ZNRF3: variants seen among roughly 807,000 people sequenced by gnomAD.
The protein encoded by ZNRF3 is zinc and ring finger 3.
Under a neutral mutation model 72.5 loss-of-function variants are expected in ZNRF3, and 23 were observed. The ratio of observed to expected loss-of-function variants is 0.32; its 90% confidence interval spans 0.23 to 0.45. ZNRF3 has a LOEUF of 0.45. Among genes scored for constraint, ZNRF3 ranks in the 20% least tolerant of loss-of-function variants. The probability of loss-of-function intolerance (pLI) is 1.00; values close to 1 mark genes in which losing one functional copy is unlikely to be tolerated. For synonymous variants in ZNRF3, 610 were observed against 545.3 expected (o/e 1.12, Z -1.65); for missense variants, 1,169 against 1,272.1 (o/e 0.92, Z 1.23).
At chr22:29,046,044 C>T (rs747447924) in intron 5 of ZNRF3, among the ~76,000 whole-genome samples, 1 of 152,150 alleles carries the variant, frequency 6.6e-6, no homozygotes, top group African/African-American at 2.4e-5. Context: ...ACACAGTATA[C>T]CAGGCTCTCT....
intron 1 of ZNRF3, among the ~76,000 whole-genome samples, chr22:28,907,694 C>T (rs190128037): frequency 6.6e-6 from 1 of 152,330 alleles, no homozygotes; most frequent in African/African-American, 2.4e-5. Flanking sequence ...ACATAAGTCC[C>T]ATTCTCCACA....
At chr22:29,037,841 C>A (rs1227603863) in intron 2 of ZNRF3, among the ~76,000 whole-genome samples, 1 of 152,056 alleles carries the variant, frequency 6.6e-6, no homozygotes. Flanking sequence ...GTGAAGATAC[C>A]CTTGTGGGTG....
At chr22:29,052,596 G>C (rs566679158) in intron 8 of ZNRF3, among the ~76,000 whole-genome samples, 7 of 152,122 alleles carry the variant, frequency 4.6e-5, no homozygotes, top group African/African-American at 1.4e-4. Flanking sequence ...GGGAGGCTGA[G>C]GCAGGAGAAT....
At chr22:29,051,893 A>C (rs970924520) in intron 8 of ZNRF3, among the ~76,000 whole-genome samples, 5 of 151,580 alleles carry the variant, frequency 3.3e-5, no homozygotes, top group African/African-American at 4.8e-5. Flanking sequence ...AAAAAAAAAA[A>C]AAAAAACCTA....
In ZNRF3 at chr22:28,905,588, C is replaced by T. The variant is rs534036576; in HGVS notation, c.300+21522C>T. On this transcript the variant is annotated intron_variant, in intron 1 of 8. Coordinates refer to ENST00000544604, the MANE Select transcript of ZNRF3 (RefSeq NM_001206998.2). ...GAACAGAGGATAGTGCTTCCTCCAG[C>T]TTGGCCTCTGGGTAAACATTCTGCT... Among the ~76,000 whole-genome samples the T allele has an allele frequency of 8.8e-4, 134 of 152,340 alleles. 2 individuals are homozygous for T. In the South Asian group the frequency reaches 0.023, roughly 27 times the overall value.
chr22:28,887,270 G>A (rs896182104), intron 1 of ZNRF3, among the ~76,000 whole-genome samples: 20 of 149,058 alleles, frequency 1.3e-4, no homozygotes, highest in African/African-American at 4.5e-4. Flanking sequence ...GTGTGTGTGT[G>A]TATACATATA....
chr22:29,030,777 A>G lies in ZNRF3; in HGVS notation c.427-11718A>G, dbSNP rs1402859696. On this transcript the variant is annotated intron_variant, in intron 2 of 8. Transcript: ENST00000544604. This position sits in a 1 kb window ranked among gnomAD's most constrained non-coding sequence, Gnocchi z 4.2. ...GAGGGACCCTGCAGGGCGGTACACG[A>G]CGGGTGGGAGTGGGGAGGAGGAGGG... Among the ~76,000 whole-genome samples, 5 of 140,750 alleles carry G rather than the reference A, an allele frequency of 3.6e-5. No individual in the cohort carries two copies. The highest frequency in any genetic ancestry group is 1.4e-4 in the African/African-American group (5 of 35,000). The allele number at this position is 140,750 out of a possible 152,430, so 92.3% of individuals were successfully genotyped here.
rs542582842 is a variant in ZNRF3 at position 28,954,309 on chromosome 22, C to A, written c.301-32767C>A. Among the ~76,000 whole-genome samples, 5 of 152,334 alleles carry A rather than the reference C, an allele frequency of 3.3e-5. No individual in the cohort carries two copies. The South Asian group carries it at 1.0e-3, about 32-fold the overall frequency. Reference sequence around the variant, plus strand: ...TCTTCCTGGCTCACAGAGCTGTCTTCTTGCTGTATCCTCCTGTGGCGAAGA... The same window carrying A: ...TCTTCCTGGCTCACAGAGCTGTCTTATTGCTGTATCCTCCTGTGGCGAAGA... On this transcript the variant is annotated intron_variant, in intron 1 of 8. Coordinates refer to ENST00000544604, the MANE Select transcript of ZNRF3 (RefSeq NM_001206998.2).
intron 1 of ZNRF3, among the ~76,000 whole-genome samples, chr22:28,931,989 T>C (rs8137589): frequency 0.051 from 7,739 of 152,298 alleles, 252 homozygotes; most frequent in South Asian, 0.061. Context: ...TGCATCACTG[T>C]AGACAGCTTG....
At chr22:28,903,301 G>A (rs1043636712) in intron 1 of ZNRF3, among the ~76,000 whole-genome samples, 6 of 152,142 alleles carry the variant, frequency 3.9e-5, no homozygotes, top group African/African-American at 1.4e-4. Context: ...AGGCCAGCCT[G>A]CTTGTTGTTC....
chr22:29,003,504 A>T, intron 2 of ZNRF3, among the ~76,000 whole-genome samples: 2 of 141,680 alleles, frequency 1.4e-5, no homozygotes, highest in African/African-American at 2.8e-5. Context: ...ACAGAGCAAG[A>T]CTCCGACTCA....
intron 1 of ZNRF3, among the ~76,000 whole-genome samples, chr22:28,948,389 C>T (rs932569268): frequency 6.1e-5 from 9 of 148,526 alleles, no homozygotes; most frequent in African/African-American, 2.0e-4. Context: ...TGGTCTCGAA[C>T]TCTTGGCTTC....
chr22:28,901,406 A>C (rs2034101633), intron 1 of ZNRF3, among the ~76,000 whole-genome samples: 1 of 152,140 alleles, frequency 6.6e-6, no homozygotes, highest in Admixed American at 6.6e-5. Flanking sequence ...TCCTTCAGCA[A>C]TTGTGATTTG....
At chr22:28,978,016 C>G (rs1484411466) in intron 1 of ZNRF3, among the ~76,000 whole-genome samples, 1 of 152,160 alleles carries the variant, frequency 6.6e-6, no homozygotes, top group Non-Finnish European at 1.5e-5. Context: ...GCTTCTTTGT[C>G]CATTAACAAA....
chr22:28,939,685 CTG>C (rs1033980137), intron 1 of ZNRF3, among the ~76,000 whole-genome samples: 1 of 152,132 alleles, frequency 6.6e-6, no homozygotes, highest in African/African-American at 2.4e-5. Flanking sequence ...AGGGCAGAAT[CTG>C]TGCCTTTCAT....
chr22:28,997,790 G>A (rs1484916004), intron 2 of ZNRF3, among the ~76,000 whole-genome samples: 3 of 151,866 alleles, frequency 2.0e-5, no homozygotes, highest in Non-Finnish European at 4.4e-5. Flanking sequence ...AGGATAACTT[G>A]AAGTCAGGAG....
intron 2 of ZNRF3, chr22:28,992,619 T>C (rs939850959): frequency 6.6e-6 from 1 of 152,100 alleles, no homozygotes; most frequent in African/African-American, 2.4e-5. Flanking sequence ...TGTCCTGCCA[T>C]AGGTGGGGAG....
intron 1 of ZNRF3, among the ~76,000 whole-genome samples, chr22:28,931,677 C>T (rs1403010377): frequency 6.6e-6 from 1 of 152,194 alleles, no homozygotes; most frequent in African/African-American, 2.4e-5. Context: ...ACCTACCCAT[C>T]CGTCTGTCCA....
intron 1 of ZNRF3, among the ~76,000 whole-genome samples, chr22:28,976,241 C>T (rs1005583235): frequency 3.9e-5 from 6 of 152,084 alleles, no homozygotes; most frequent in Non-Finnish European, 4.4e-5. Flanking sequence ...GGCAACAGAG[C>T]GGGACCCTGT....
Sources: gnomAD v4.1 joint callset for allele counts (sites outside exome capture counted in the v4.1 genomes callset) on GRCh38, gnomAD v4.1.1 for gene constraint, Gnocchi (gnomAD v3.1) non-coding constraint, MANE v1.5 for transcripts, NCBI Gene and HGNC (gene_info 2026-07-23, HGNC 2026-07-21) for gene names.